Variants in NCKAP5 observed in about 807,000 individuals in gnomAD.
NCKAP5 encodes nck-associated protein 5.
NCKAP5 carries 92 observed loss-of-function variants against 167.0 expected under a neutral mutation model. The observed-to-expected ratio is 0.55, with a 90% CI of 0.47 to 0.66. The LOEUF is 0.66. Among genes scored for constraint, NCKAP5 ranks in the 30% least tolerant of loss-of-function variants. NCKAP5 has a pLI of 0.00. For missense variants in NCKAP5, 2,378 were observed against 2,315.0 expected, an observed-to-expected ratio of 1.03 and a Z score of -0.56; for synonymous variants, 891 against 877.4, an observed-to-expected ratio of 1.02 and a Z score of -0.27.
chr2:133,114,934 C>A (rs2149731350), intron 6 of NCKAP5, among the ~76,000 whole-genome samples: 1 of 152,232 alleles, frequency 6.6e-6, no homozygotes, highest in South Asian at 2.1e-4. Flanking sequence ...TTCTGATGCA[C>A]TATTTCATTA....
chr2:133,105,911 A>G (rs2081669622), intron 6 of NCKAP5, among the ~76,000 whole-genome samples: 1 of 152,184 alleles, frequency 6.6e-6, no homozygotes, highest in South Asian at 2.1e-4. Flanking sequence ...TTTCACAGGC[A>G]TAGAAATAAA....
intron 4 of NCKAP5, among the ~76,000 whole-genome samples, chr2:133,295,893 A>G (rs1679925203): frequency 6.6e-6 from 1 of 152,206 alleles, no homozygotes; most frequent in South Asian, 2.1e-4. Context: ...ATGGAGACCT[A>G]TTACTCATTC....
Position 132,784,314 on chromosome 2 carries a change from G to A in NCKAP5, c.2497C>T (p.Leu833Phe), listed in dbSNP as rs969363573. ...TLLPSSGLVT[L>F]EKSPALAPGK... ...GGAGCTAAGGCTGGTGATTTTTCAA[G>A]AGTCACCAGGCCAGATGAAGGGAGT... Residue 833 changes from leucine to phenylalanine, a missense_variant, in exon 14 of 20, where the codon CTT (leucine) becomes TTT (phenylalanine). Coordinates refer to ENST00000409261, the MANE Select transcript of NCKAP5 (RefSeq NM_207363.3). 3.1e-6 allele frequency: 5 copies of A among 1,613,858 alleles called. No individual in the cohort carries two copies. Among genetic ancestry groups the A allele is most frequent in the African/African-American group, 2.7e-5 (2 of 74,926 alleles).
intron 11 of NCKAP5, among the ~76,000 whole-genome samples, chr2:132,800,194 A>G (rs919696318): frequency 1.3e-5 from 2 of 152,200 alleles, no homozygotes; most frequent in Admixed American, 1.3e-4. Flanking sequence ...TAAGAAGGCC[A>G]TGACCTCTTA....
chr2:132,781,004 G>C, intron 15 of NCKAP5, 48 bp downstream of exon 15: 1 of 1,579,010 alleles, frequency 6.3e-7, no homozygotes, highest in South Asian at 1.2e-5. Flanking sequence ...ACCCCAGCCA[G>C]AACATCTCAG....
chr2:133,412,016 G>A (rs375170019), intron 3 of NCKAP5, among the ~76,000 whole-genome samples: 1 of 152,272 alleles, frequency 6.6e-6, no homozygotes, highest in South Asian at 2.1e-4. Context: ...ATGAAGGGGA[G>A]GAGGCAGCTA....
chr2:132,806,663 G>C (rs1029247219), intron 11 of NCKAP5, among the ~76,000 whole-genome samples: 1 of 152,112 alleles, frequency 6.6e-6, no homozygotes, highest in Non-Finnish European at 1.5e-5. Context: ...GTAGATTCAG[G>C]ATATTAGTCC....
At chr2:132,958,183 T>C (rs1558989400) in intron 8 of NCKAP5, among the ~76,000 whole-genome samples, 1 of 152,130 alleles carries the variant, frequency 6.6e-6, no homozygotes, top group Non-Finnish European at 1.5e-5. Context: ...TATATAAACA[T>C]AAATGGTAAT....
At chr2:133,256,984 C>G (rs890732772) in intron 4 of NCKAP5, among the ~76,000 whole-genome samples, 3 of 152,124 alleles carry the variant, frequency 2.0e-5, no homozygotes, top group Admixed American at 2.0e-4. Context: ...GACCTACGCG[C>G]GCACACAATC....
intron 4 of NCKAP5, among the ~76,000 whole-genome samples, chr2:133,279,881 A>G (rs1389733111): frequency 2.0e-5 from 3 of 152,246 alleles, no homozygotes; most frequent in African/African-American, 7.2e-5. Context: ...TCACACAACC[A>G]TCATTCATTA....
chr2:133,447,791 C>A (rs1441910864), intron 3 of NCKAP5, among the ~76,000 whole-genome samples: 1 of 152,086 alleles, frequency 6.6e-6, no homozygotes, highest in African/African-American at 2.4e-5. Context: ...CAGCCTCTTT[C>A]TTTTTCTAAA....
chr2:133,645,204 A>C, the NCKAP5 span, among the ~76,000 whole-genome samples: 5 of 152,226 alleles, frequency 3.3e-5, no homozygotes, highest in South Asian at 8.3e-4. Flanking sequence ...AGGAAAGCTA[A>C]AAAGAATACA....
chr2:133,421,232 T>A (rs981474608), intron 3 of NCKAP5, among the ~76,000 whole-genome samples: 3 of 152,120 alleles, frequency 2.0e-5, no homozygotes, highest in Admixed American at 2.0e-4. Flanking sequence ...CTAAAAACAT[T>A]GTCTAATGCA....
chr2:133,043,955 T>G (rs1450157867), intron 6 of NCKAP5, among the ~76,000 whole-genome samples: 1 of 152,068 alleles, frequency 6.6e-6, no homozygotes, highest in South Asian at 2.1e-4. Context: ...AAGGTGTAGT[T>G]CCTCACAAAT....
chr2:133,134,155 G>A (rs911501992), intron 5 of NCKAP5, among the ~76,000 whole-genome samples: 2 of 152,120 alleles, frequency 1.3e-5, no homozygotes, highest in Admixed American at 1.3e-4. Context: ...TCCACTGTGT[G>A]CATTACGAGC....
At chr2:132,764,286 A>G (rs1035399146) in intron 16 of NCKAP5, among the ~76,000 whole-genome samples, 12 of 152,214 alleles carry the variant, frequency 7.9e-5, no homozygotes, top group African/African-American at 2.7e-4. Context: ...TAGGCAGTCA[A>G]TGAATAAATA....
chr2:133,344,491 C>G (rs759788943), intron 3 of NCKAP5, among the ~76,000 whole-genome samples: 4 of 151,712 alleles, frequency 2.6e-5, no homozygotes, highest in African/African-American at 9.7e-5. Flanking sequence ...AAGGCAGCAC[C>G]GAGCACAGAG....
At chr2:133,096,817 G>A (rs531781396) in intron 6 of NCKAP5, among the ~76,000 whole-genome samples, 15 of 152,188 alleles carry the variant, frequency 9.9e-5, no homozygotes, top group Non-Finnish European at 1.9e-4. Flanking sequence ...ACTTCACTCC[G>A]CAGATAATAG....
At chr2:133,064,964 T>C (rs974299098) in intron 6 of NCKAP5, among the ~76,000 whole-genome samples, 1 of 152,206 alleles carries the variant, frequency 6.6e-6, no homozygotes, top group Non-Finnish European at 1.5e-5. Context: ...CTGATTAAAA[T>C]CTCAGTGTTC....
Sources: gnomAD v4.1 joint callset for allele counts (sites outside exome capture counted in the v4.1 genomes callset) on GRCh38, gnomAD v4.1.1 for gene constraint, MANE v1.5 for transcripts, NCBI Gene and HGNC (gene_info 2026-07-23, HGNC 2026-07-21) for gene names.